Variants in HTT observed in about 807,000 individuals in gnomAD.
The protein encoded by HTT is huntington disease protein.
Under a neutral mutation model 362.3 loss-of-function variants are expected in HTT, and 104 were observed. That is an observed-to-expected ratio of 0.29 (90% CI 0.24 to 0.34). The LOEUF (loss-of-function observed/expected upper bound fraction) is 0.34, where lower values mean the gene tolerates loss of function less well. Ranked by LOEUF, HTT falls within the 10% of genes least tolerant of loss-of-function variation. The probability of loss-of-function intolerance (pLI) is 1.00; values close to 1 mark genes in which losing one functional copy is unlikely to be tolerated. For synonymous variants in HTT, 1,577 were observed against 1,548.7 expected, an observed-to-expected ratio of 1.02 and a Z score of -0.43; for missense variants, 3,301 against 3,928.6, an observed-to-expected ratio of 0.84 and a Z score of 4.27.
At chr4:3,192,347 A>T (rs1418593517) in intron 40 of HTT, among the ~76,000 whole-genome samples, 1 of 151,924 alleles carries the variant, frequency 6.6e-6, no homozygotes, top group Admixed American at 6.5e-5. Context: ...CAAAATGCTG[A>T]GGTTATAGGT....
In HTT at chr4:3,142,824, C is replaced by G. The variant is rs1488503491; in HGVS notation, c.3004C>G (p.Leu1002Val). 6.3e-7 allele frequency: 1 copy of G among 1,598,804 alleles called. No individual in the cohort carries two copies. The highest frequency in any genetic ancestry group is 1.7e-5 in the Admixed American group (1 of 59,980). ...SITDVTMENN[L>V]SRVIAAVSHE... ...AACAGACGTCACTATGGAAAATAAC[C>G]TTTCAAGAGTTATTGCAGCAGTTTC... The change falls in exon 23 of 67, where the codon CTT (leucine) becomes GTT (valine). Residue 1002 changes from leucine (L) to valine (V), a missense_variant. This residue lies in a region of HTT where 2,316 missense variants were observed against 2,658.5 expected (regional missense o/e 0.87). Coordinates refer to ENST00000355072, the MANE Select transcript of HTT (RefSeq NM_001388492.1).
chr4:3,120,632 C>G (rs1486390996), intron 8 of HTT, among the ~76,000 whole-genome samples: 1 of 152,196 alleles, frequency 6.6e-6, no homozygotes, highest in South Asian at 2.1e-4. Flanking sequence ...TTGTGAACTG[C>G]ACATGTGAGG....
At position 3,206,570 on chromosome 4, in the gene HTT, C is replaced by T; in HGVS notation, c.5793C>T (p.Ser1931=). 1 of 1,614,120 alleles carries T rather than the reference C, an allele frequency of 6.2e-7. No individual in the cohort carries two copies. Among genetic ancestry groups the T allele is most frequent in the Non-Finnish European group, 8.5e-7 (1 of 1,179,998 alleles). The change falls in exon 43 of 67, where the codon TCC becomes TCT. Residue 1931 remains serine, a synonymous_variant. Coordinates refer to ENST00000355072, the MANE Select transcript of HTT (RefSeq NM_001388492.1). This position sits in a 1 kb window ranked among gnomAD's most constrained non-coding sequence, Gnocchi z 4.6. Reference sequence around the variant, plus strand: ...ACATTCAAGATCTGATCAGCCTTTCCCACGAGCCTCCAGTACAGGACTTCA... The same window carrying T: ...ACATTCAAGATCTGATCAGCCTTTCTCACGAGCCTCCAGTACAGGACTTCA... ...VNHIQDLISL[S]HEPPVQDFIS...
intron 9 of HTT, 38 bp downstream of exon 9, chr4:3,121,470 T>C: frequency 7.1e-7 from 1 of 1,416,952 alleles, no homozygotes; most frequent in Non-Finnish European, 1.0e-6. Context: ...CAATTAACTT[T>C]GCAGTAATAC....
intron 6 of HTT, among the ~76,000 whole-genome samples, chr4:3,110,928 T>C (rs763332630): frequency 3.3e-4 from 51 of 152,338 alleles, no homozygotes; most frequent in Admixed American, 1.6e-3. Flanking sequence ...CCTCCTAGAT[T>C]GACTCACATC....
At chr4:3,208,719 TAAAA>T in intron 45 of HTT, 50 bp from the exon 46 acceptor site, 10 of 1,210,250 alleles carry the variant, frequency 8.3e-6, no homozygotes, top group South Asian at 1.6e-5. Context: ...AGACTAAGAC[TAAAA>T]AAAAAAAAAA....
At chr4:3,182,593 C>T (rs576720912) in intron 37 of HTT, 123 bp downstream of exon 37, 15 of 688,110 alleles carry the variant, frequency 2.2e-5, no homozygotes, top group South Asian at 6.7e-5. Flanking sequence ...AGCAGTTCTC[C>T]GTGCTAGTCA....
Position 3,214,003 on chromosome 4 carries a change from G to T in HTT, c.6820G>T (p.Asp2274Tyr), listed in dbSNP as rs1720278408. Reference protein sequence around the residue: ...LIHEQIPLSLDLQAGLDCCCL... With the variant: ...LIHEQIPLSLYLQAGLDCCCL... ...CCATGAGCAGATCCCGCTGAGTCTG[G>T]ATCTCCAGGCAGGGCTGGACTGCTG... Residue 2274 changes from aspartate (D) to tyrosine (Y), a missense_variant, in exon 50 of 67, where the codon GAT becomes TAT. By Grantham distance (160) the Asp-to-Tyr change is radical. This residue lies in a region of HTT where 220 missense variants were observed against 218.5 expected (regional missense o/e 1.01). Transcript: ENST00000355072. The T allele has an allele frequency of 1.2e-6, 2 of 1,603,494 alleles. No individual in the cohort carries two copies. Among genetic ancestry groups the T allele is most frequent in the Non-Finnish European group, 1.7e-6 (2 of 1,173,800 alleles).
intron 31 of HTT, 128 bp from the exon 32 acceptor site, chr4:3,174,593 G>A: frequency 1.5e-6 from 1 of 685,868 alleles, no homozygotes; most frequent in East Asian, 2.8e-5. Flanking sequence ...CTTTCAAGTT[G>A]TTTCTCAATC....
chr4:3,225,805 G>C, intron 57 of HTT, 62 bp downstream of exon 57: 1 of 1,232,238 alleles, frequency 8.1e-7, no homozygotes, highest in East Asian at 2.5e-5. Flanking sequence ...TTTGGCGCTT[G>C]ACACACCCAG....
At chr4:3,132,943 C>A in intron 18 of HTT, 32 bp downstream of exon 18, 2 of 1,427,846 alleles carry the variant, frequency 1.4e-6, no homozygotes, top group Non-Finnish European at 2.0e-6. Flanking sequence ...ACCATTTCTT[C>A]ACTTAGTGGA....
At chr4:3,215,470 G>T (rs550059684) in intron 51 of HTT, among the ~76,000 whole-genome samples, 4 of 152,142 alleles carry the variant, frequency 2.6e-5, no homozygotes, top group African/African-American at 4.8e-5. Context: ...CTGGGGGAGC[G>T]CTCCCTTCCC....
chr4:3,085,776 T>C (rs986601433), intron 1 of HTT, among the ~76,000 whole-genome samples: 1 of 152,236 alleles, frequency 6.6e-6, no homozygotes, highest in Non-Finnish European at 1.5e-5. Flanking sequence ...TTAGTTTAGT[T>C]GTTTTTAGTT....
intron 40 of HTT, among the ~76,000 whole-genome samples, chr4:3,198,385 C>T (rs920957749): frequency 2.6e-5 from 4 of 152,034 alleles, no homozygotes; most frequent in South Asian, 2.1e-4. Context: ...CCACCACACT[C>T]GGCCAATTTT....
At chr4:3,156,574 A>G (rs1282324697) in intron 27 of HTT, among the ~76,000 whole-genome samples, 1 of 152,256 alleles carries the variant, frequency 6.6e-6, no homozygotes. Flanking sequence ...CTCCAAGTCA[A>G]AAGTCTTCAA....
At chr4:3,173,586 G>A (rs1048793006) in intron 31 of HTT, among the ~76,000 whole-genome samples, 1 of 152,172 alleles carries the variant, frequency 6.6e-6, no homozygotes, top group Non-Finnish European at 1.5e-5. Flanking sequence ...GTGTTCAGAG[G>A]TGTGTGAAGG....
In HTT at chr4:3,143,278, A is replaced by G. The variant is rs867688306; in HGVS notation, c.3066+392A>G. The stretch of plus-strand genomic sequence containing the variant: ...GTGGTGAAACCCCATCTCTACTAAA[A>G]ATACAAAAATTAGCTGGGCGTGGTG... On this transcript the variant is annotated intron_variant, in intron 23 of 66. Transcript: ENST00000355072. 2.0e-4 allele frequency among the ~76,000 whole-genome samples: 30 copies of G among 152,054 alleles called. No homozygotes were observed. The East Asian group carries it at 3.9e-3, about 20-fold the overall frequency.
intron 39 of HTT, 97 bp from the exon 40 acceptor site, chr4:3,188,854 T>C (rs186391829): frequency 3.6e-5 from 44 of 1,217,088 alleles, no homozygotes; most frequent in Non-Finnish European, 4.4e-5. Flanking sequence ...ACCTATATTT[T>C]TACTTTATAT....
intron 29 of HTT, among the ~76,000 whole-genome samples, chr4:3,160,594 A>G (rs912161882): frequency 1.3e-5 from 2 of 151,882 alleles, no homozygotes; most frequent in African/African-American, 2.4e-5. Context: ...TTTGTATTCT[A>G]TTTTTGTCTG....
Sources: allele counts gnomAD v4.1 joint callset (sites outside exome capture counted in the v4.1 genomes callset), GRCh38; gene constraint gnomAD v4.1.1; regional missense constraint gnomAD v4.1.1; non-coding constraint Gnocchi (gnomAD v3.1); transcripts MANE v1.5; gene names NCBI Gene and HGNC (gene_info 2026-07-23, HGNC 2026-07-21).